Variants in ODAPH observed in about 807,000 individuals in gnomAD.
The protein encoded by ODAPH is amelogenesis imperfecta type IIA4.
A neutral mutation model predicts 2.8 loss-of-function variants in ODAPH; 2 were observed. That is an observed-to-expected ratio of 0.72 (90% CI 0.30 to 2.28). ODAPH has a LOEUF of 2.28. Among genes scored for constraint, ODAPH ranks in the 30% most tolerant of loss-of-function variants. ODAPH has a pLI of 0.13. For missense variants in ODAPH, 159 were observed against 163.3 expected (o/e 0.97, Z 0.14); for synonymous variants, 75 against 60.3 (o/e 1.24, Z -1.13).
intron 1 of ODAPH, among the ~76,000 whole-genome samples, chr4:75,557,620 C>T (rs1158667736): frequency 6.6e-6 from 1 of 152,164 alleles, no homozygotes; most frequent in Non-Finnish European, 1.5e-5. Context: ...GCCTGGGGAA[C>T]AAGAGTGAAA....
rs767246401 is a variant in ODAPH at position 75,564,263 on chromosome 4, C to T, written c.217C>T (p.His73Tyr). 6.2e-7 allele frequency: 1 copy of T among 1,614,106 alleles called. No individual in the cohort carries two copies. Among genetic ancestry groups the T allele is most frequent in the African/African-American group, 1.3e-5 (1 of 74,918 alleles). Residue 73 changes from histidine (H) to tyrosine (Y), a missense_variant, in exon 2 of 2, where the codon CAT becomes TAT. Coordinates refer to ENST00000311623, the MANE Select transcript of ODAPH (RefSeq NM_178497.5). Reference sequence around the variant, plus strand: ...CACAAAGACACCCAGGTGTCCCTTCCATTTTTTTCCACGAAGGCCCAGAAT... The same window carrying T: ...CACAAAGACACCCAGGTGTCCCTTCTATTTTTTTCCACGAAGGCCCAGAAT... ...PITKTPRCPF[H>Y]FFPRRPRIHF... is the part of the protein sequence containing the mutation.
chr4:75,560,231 A>G (rs1213359458), intron 1 of ODAPH, among the ~76,000 whole-genome samples: 3 of 152,212 alleles, frequency 2.0e-5, no homozygotes, highest in African/African-American at 7.2e-5. Flanking sequence ...ATGGCAGATT[A>G]CCTCAGCTTT....
At chr4:75,561,721 C>A (rs764701974) in intron 1 of ODAPH, among the ~76,000 whole-genome samples, 5 of 152,074 alleles carry the variant, frequency 3.3e-5, no homozygotes, top group African/African-American at 1.2e-4. Flanking sequence ...GTGGCGGGCA[C>A]CTGTAATCCC....
intron 1 of ODAPH, among the ~76,000 whole-genome samples, chr4:75,558,512 TA>T (rs35726140): frequency 0.028 from 3,945 of 140,516 alleles, 148 homozygotes; most frequent in African/African-American, 0.089. Context: ...TAGGTAATTA[TA>T]AAAAAAAAAA....
Position 75,564,337 on chromosome 4 carries a change from C to T in ODAPH, c.291C>T (p.His97=). The T allele has an allele frequency of 1.2e-6, 2 of 1,614,152 alleles. No homozygotes were observed. Among genetic ancestry groups the T allele is most frequent in the Non-Finnish European group, 1.7e-6 (2 of 1,180,020 alleles). The change falls in exon 2 of 2, where the codon CAC becomes CAT. Residue 97 remains histidine (H), a synonymous_variant. Transcript: ENST00000311623. The part of the protein sequence containing the change: ...NRPFVPSRCN[H]RFPFQPFYWP... ...CTTTCGTCCCTTCAAGGTGTAACCA[C>T]CGTTTTCCATTCCAGCCATTTTATT...
intron 1 of ODAPH, among the ~76,000 whole-genome samples, chr4:75,563,746 C>T (rs1027412717): frequency 3.9e-5 from 6 of 152,134 alleles, no homozygotes; most frequent in Non-Finnish European, 7.4e-5. Flanking sequence ...ATTAGTAGTT[C>T]TTCCTTTTTA....
chr4:75,564,264 A>T lies in ODAPH; in HGVS notation c.218A>T (p.His73Leu), dbSNP rs764826666. The T allele has an allele frequency of 7.4e-6, 12 of 1,613,836 alleles. No homozygotes were observed. Among genetic ancestry groups the T allele is most frequent in the African/African-American group, 4.0e-5 (3 of 74,840 alleles). The change falls in exon 2 of 2, where the codon CAT becomes CTT. Residue 73 changes from histidine to leucine, a missense_variant. His to Leu is a moderately conservative substitution (Grantham distance 99). Coordinates refer to ENST00000311623, the MANE Select transcript of ODAPH (RefSeq NM_178497.5). ...ACAAAGACACCCAGGTGTCCCTTCC[A>T]TTTTTTTCCACGAAGGCCCAGAATC... ...PITKTPRCPF[H>L]FFPRRPRIHF... is the part of the protein sequence containing the mutation.
chr4:75,558,602 T>A (rs534175622), intron 1 of ODAPH, among the ~76,000 whole-genome samples: 1 of 152,334 alleles, frequency 6.6e-6, no homozygotes, highest in East Asian at 1.9e-4. Context: ...ATTTCATGTC[T>A]AGACTATAAT....
intron 1 of ODAPH, among the ~76,000 whole-genome samples, chr4:75,557,068 G>A (rs1302323403): frequency 2.0e-5 from 3 of 151,988 alleles, no homozygotes; most frequent in Non-Finnish European, 4.4e-5. Flanking sequence ...ATAAGAGCTG[G>A]TTGTGGAACA....
At chr4:75,562,277 A>G (rs1361682744) in intron 1 of ODAPH, among the ~76,000 whole-genome samples, 1 of 152,178 alleles carries the variant, frequency 6.6e-6, no homozygotes, top group East Asian at 1.9e-4. Context: ...AACTGTCCCA[A>G]ATGAGAGGGG....
chr4:75,558,347 C>T (rs1727426517), intron 1 of ODAPH, among the ~76,000 whole-genome samples: 1 of 152,120 alleles, frequency 6.6e-6, no homozygotes, highest in Non-Finnish European at 1.5e-5. Flanking sequence ...CTTTCTGGCT[C>T]AAGTCTGAAA....
At chr4:75,556,665 G>A (rs1727349914) in intron 1 of ODAPH, 18 of 1,033,696 alleles carry the variant, frequency 1.7e-5, no homozygotes, top group Non-Finnish European at 2.4e-5. Context: ...GTGGGCACAG[G>A]TTTCTTTCTT....
chr4:75,557,656 A>G (rs1414452713), intron 1 of ODAPH, among the ~76,000 whole-genome samples: 1 of 152,202 alleles, frequency 6.6e-6, no homozygotes, highest in Non-Finnish European at 1.5e-5. Flanking sequence ...CAAAACACCC[A>G]TTGAAACACC....
At chr4:75,556,271 G>T in intron 1 of ODAPH, 122 bp downstream of exon 1, 1 of 1,021,838 alleles carries the variant, frequency 9.8e-7, no homozygotes, top group Non-Finnish European at 1.5e-6. Flanking sequence ...GCTTCCATCA[G>T]CCTGTGTGGT....
chr4:75,564,164 G>A lies in ODAPH; in HGVS notation c.118G>A (p.Ala40Thr), dbSNP rs143319706. The part of the protein sequence containing the change: ...PPGDSQNNAD[A>T]TDCQIFTLTP... ...TGGAGATTCACAAAATAATGCGGAC[G>A]CTACCGACTGCCAGATCTTTACACT... Residue 40 changes from alanine (A) to threonine (T), a missense_variant, in exon 2 of 2, where the codon GCT (alanine) becomes ACT (threonine). By Grantham distance (58) the Ala-to-Thr change is moderately conservative (BLOSUM62 0). Coordinates refer to ENST00000311623, the MANE Select transcript of ODAPH (RefSeq NM_178497.5). 6 of 1,614,000 alleles carry A rather than the reference G, an allele frequency of 3.7e-6. No individual in the cohort carries two copies. Among genetic ancestry groups the A allele is most frequent in the Non-Finnish European group, 3.4e-6 (4 of 1,180,032 alleles).
At chr4:75,562,862 C>G (rs987281927) in intron 1 of ODAPH, among the ~76,000 whole-genome samples, 3 of 152,052 alleles carry the variant, frequency 2.0e-5, no homozygotes, top group African/African-American at 7.2e-5. Flanking sequence ...CCTCCCTTCC[C>G]CTAGGAAATT....
At chr4:75,565,140 GT>G (rs1161261913), downstream of ODAPH, 1 of 153,824 alleles carries the variant, frequency 6.5e-6, no homozygotes, top group Non-Finnish European at 1.4e-5. Context: ...GGGATTATAG[GT>G]GCTCGCTACC....
chr4:75,557,200 G>A (rs1185240512), intron 1 of ODAPH, among the ~76,000 whole-genome samples: 2 of 152,172 alleles, frequency 1.3e-5, no homozygotes, highest in Non-Finnish European at 1.5e-5. Context: ...CCTACTAAAA[G>A]TGACATCTAA....
intron 1 of ODAPH, among the ~76,000 whole-genome samples, chr4:75,560,436 A>G (rs1195536038): frequency 2.0e-5 from 3 of 152,254 alleles, no homozygotes; most frequent in African/African-American, 7.2e-5. Context: ...GTCACAGACC[A>G]TAAATGGCAT....
Sources: allele counts gnomAD v4.1 joint callset (sites outside exome capture counted in the v4.1 genomes callset), GRCh38; gene constraint gnomAD v4.1.1; transcripts MANE v1.5; gene names NCBI Gene and HGNC (gene_info 2026-07-23, HGNC 2026-07-21).